Variants in TUT4 observed in about 807,000 individuals in gnomAD.
TUT4 encodes the protein terminal uridylyltransferase 4.
TUT4 carries 36 observed loss-of-function variants against 192.2 expected under a neutral mutation model. The ratio of observed to expected loss-of-function variants is 0.19; its 90% CI spans 0.14 to 0.25. The LOEUF (loss-of-function observed/expected upper bound fraction) is 0.25, where lower values mean the gene tolerates loss of function less well. TUT4 is among the 10% of genes least tolerant of loss of function. TUT4 has a pLI of 1.00. For synonymous variants in TUT4, 618 were observed against 666.0 expected, an observed-to-expected ratio of 0.93 and a Z score of 1.11; for missense variants, 1,493 against 1,957.2, an observed-to-expected ratio of 0.76 and a Z score of 4.47.
At chr1:52,446,107 A>G (rs1657453369) in intron 22 of TUT4, 103 bp from the exon 23 acceptor site, 10 of 1,317,358 alleles carry the variant, frequency 7.6e-6, no homozygotes, top group Non-Finnish European at 1.1e-5. Flanking sequence ...TACTCAGACT[A>G]TACAAATCAG....
intron 2 of TUT4, among the ~76,000 whole-genome samples, chr1:52,519,589 A>G (rs886321393): frequency 6.6e-6 from 1 of 151,602 alleles, no homozygotes; most frequent in Non-Finnish European, 1.5e-5. Context: ...GGCTCACTGC[A>G]ACCTCTGCCT....
At chr1:52,553,203 G>C (rs1689939979), upstream of TUT4, 1 of 152,466 alleles carries the variant, frequency 6.6e-6, no homozygotes, top group Non-Finnish European at 1.5e-5. Flanking sequence ...TGCCGGGGGA[G>C]AGGGGGAGGG....
intron 15 of TUT4, among the ~76,000 whole-genome samples, chr1:52,466,682 A>ATATATTTTTT (rs372853314): frequency 7.8e-4 from 96 of 123,802 alleles, no homozygotes; most frequent in African/African-American, 3.0e-3. Context: ...ATATATATAT[A>ATATATTTTTT]TTTTTGAGAC....
rs185107791 is a variant in TUT4 at position 52,448,836 on chromosome 1, C to G, written c.3436-2169G>C. On this transcript the variant is annotated intron_variant, in intron 20 of 29. Coordinates refer to ENST00000257177, the MANE Select transcript of TUT4 (RefSeq NM_001009881.3). ...TGAGATAATTCATACTTCTGAGTAA[C>G]AACAATCCAACTCTTTAGATCATGA... Among the ~76,000 whole-genome samples, 5 of 152,232 alleles carry G rather than the reference C, an allele frequency of 3.3e-5. No homozygotes were observed. In the East Asian group the frequency reaches 9.6e-4, roughly 29 times the overall value.
At chr1:52,525,223 T>C (rs912261232) in intron 2 of TUT4, among the ~76,000 whole-genome samples, 2 of 152,180 alleles carry the variant, frequency 1.3e-5, no homozygotes, top group African/African-American at 2.4e-5. Flanking sequence ...AATACATACA[T>C]ATTTGGTGAA....
chr1:52,512,017 T>C lies in TUT4; in HGVS notation c.883-2305A>G, dbSNP rs557536685. On this transcript the variant is annotated intron_variant, in intron 3 of 29. Transcript: ENST00000257177. ...AGGAGTTGAAAGCATACATACAGAA[T>C]ACCTAAAGCCCTGTGTACTGATGAG... Among the ~76,000 whole-genome samples the C allele has an allele frequency of 3.9e-5, 6 of 152,260 alleles. No homozygotes were observed. The South Asian group carries it at 1.2e-3, about 32-fold the overall frequency.
chr1:52,528,136 G>A (rs1401792142), intron 1 of TUT4, among the ~76,000 whole-genome samples: 1 of 150,400 alleles, frequency 6.6e-6, no homozygotes, highest in Non-Finnish European at 1.5e-5. Flanking sequence ...CTGAGATCGC[G>A]CCACAGCACT....
intron 2 of TUT4, among the ~76,000 whole-genome samples, chr1:52,525,177 G>A (rs1280531373): frequency 6.6e-6 from 1 of 152,050 alleles, no homozygotes; most frequent in Non-Finnish European, 1.5e-5. Flanking sequence ...GTTTTCCATT[G>A]TAAACAAATG....
chr1:52,443,283 C>CA (rs1036132733), intron 24 of TUT4, among the ~76,000 whole-genome samples: 30 of 115,026 alleles, frequency 2.6e-4, no homozygotes, highest in Non-Finnish European at 3.7e-4. Flanking sequence ...GACTCTGTCT[C>CA]AAAAAAAAAA....
At chr1:52,439,339 T>C (rs868422172) in intron 24 of TUT4, among the ~76,000 whole-genome samples, 1 of 152,222 alleles carries the variant, frequency 6.6e-6, no homozygotes. Context: ...ACATGTATTA[T>C]GTAAAGAGGA....
intron 25 of TUT4, chr1:52,437,284 T>C (rs1654073213): frequency 4.2e-6 from 1 of 238,688 alleles, no homozygotes; most frequent in Non-Finnish European, 8.1e-6. Flanking sequence ...AGAAGATAAG[T>C]GTCTTGACTA....
intron 9 of TUT4, among the ~76,000 whole-genome samples, chr1:52,484,071 A>T (rs1326903962): frequency 6.6e-6 from 1 of 152,138 alleles, no homozygotes; most frequent in Non-Finnish European, 1.5e-5. Flanking sequence ...AAAATATGCC[A>T]GGCACAGTGG....
intron 1 of TUT4, among the ~76,000 whole-genome samples, chr1:52,536,812 C>T (rs1000921835): frequency 5.9e-5 from 9 of 151,712 alleles, no homozygotes; most frequent in Admixed American, 5.9e-4. Context: ...CGAGACTGTG[C>T]CACTGCACTC....
intron 9 of TUT4, among the ~76,000 whole-genome samples, chr1:52,483,518 A>C (rs1037553921): frequency 1.3e-5 from 2 of 152,174 alleles, no homozygotes; most frequent in Non-Finnish European, 2.9e-5. Flanking sequence ...GCACACTGAA[A>C]ATATTTTTTA....
intron 28 of TUT4, among the ~76,000 whole-genome samples, chr1:52,428,175 C>G (rs565160544): frequency 6.6e-6 from 1 of 152,216 alleles, no homozygotes; most frequent in East Asian, 1.9e-4. Context: ...AATTTTGATT[C>G]AAATAAATCG....
chr1:52,460,828 C>T, intron 19 of TUT4: 1 of 197,304 alleles, frequency 5.1e-6, no homozygotes. Context: ...GATTTCTTAA[C>T]TCAGAAATTC....
chr1:52,481,404 C>G lies in TUT4; in HGVS notation c.1848+19G>C, dbSNP rs574297321. 8.1e-6 allele frequency: 13 copies of G among 1,610,642 alleles called. No homozygotes were observed. The Admixed American group carries it at 1.2e-4, about 15-fold the overall frequency. On this transcript the variant is annotated intron_variant, in intron 11 of 29. Coordinates refer to ENST00000257177, the MANE Select transcript of TUT4 (RefSeq NM_001009881.3). The stretch of plus-strand genomic sequence containing the variant: ...TTCTACAGATAGAAAAGCCAAAAAA[C>G]AAAAACAAAAAGGCTTACTTTGCCA...
At chr1:52,507,820 CT>C (rs1002087821) in intron 4 of TUT4, among the ~76,000 whole-genome samples, 1 of 151,756 alleles carries the variant, frequency 6.6e-6, no homozygotes, top group South Asian at 2.1e-4. Context: ...TTTCCTTTTT[CT>C]TTTTTTTGTG....
intron 7 of TUT4, among the ~76,000 whole-genome samples, chr1:52,492,361 C>G (rs538190567): frequency 6.6e-6 from 1 of 152,226 alleles, no homozygotes; most frequent in Admixed American, 6.5e-5. Context: ...AAAGCTCTCT[C>G]TTCTAACCCA....
Sources: gnomAD v4.1 joint callset for allele counts (sites outside exome capture counted in the v4.1 genomes callset) on GRCh38, gnomAD v4.1.1 for gene constraint, MANE v1.5 for transcripts, NCBI Gene and HGNC (gene_info 2026-07-23, HGNC 2026-07-21) for gene names.